The following SNAP25 variants were observed in gnomAD, a reference collection of about 807,000 sequenced individuals.
SNAP25 encodes the protein synaptosome associated protein 25.
Under a neutral mutation model 28.7 loss-of-function variants are expected in SNAP25, and 3 were observed. The observed-to-expected ratio is 0.10, with a 90% CI of 0.05 to 0.27. SNAP25 has a LOEUF of 0.27. SNAP25 is among the 10% of genes least tolerant of loss of function. SNAP25 has a pLI of 1.00. For missense variants in SNAP25, 117 were observed against 278.7 expected, an observed-to-expected ratio of 0.42 and a Z score of 4.13; for synonymous variants, 61 against 88.1, an observed-to-expected ratio of 0.69 and a Z score of 1.72.
intron 1 of SNAP25, among the ~76,000 whole-genome samples, chr20:10,267,091 CA>C (rs1335020942): frequency 2.6e-5 from 4 of 151,776 alleles, no homozygotes; most frequent in Middle Eastern, 3.2e-3. Flanking sequence ...TTAGAGATCA[CA>C]AAAAAACCTC....
At chr20:10,284,689 T>G in intron 3 of SNAP25, 35 bp from the exon 4 acceptor site, 13 of 1,558,692 alleles carry the variant, frequency 8.3e-6, no homozygotes, top group Non-Finnish European at 1.1e-5. Flanking sequence ...TCTCTCTAAC[T>G]CCTTTTCAAC....
chr20:10,269,377 G>A (rs1387920173), intron 1 of SNAP25, among the ~76,000 whole-genome samples: 1 of 152,088 alleles, frequency 6.6e-6, no homozygotes, highest in African/African-American at 2.4e-5. Flanking sequence ...ACTCCCACCT[G>A]GGCGACAGAG....
intron 1 of SNAP25, among the ~76,000 whole-genome samples, chr20:10,275,174 C>CT (rs1568608769): frequency 6.6e-6 from 1 of 152,070 alleles, no homozygotes. Flanking sequence ...ATTCCCAACC[C>CT]TTGGGTAGTT....
At chr20:10,300,782 T>G (rs555819585) in intron 7 of SNAP25, among the ~76,000 whole-genome samples, 1 of 152,296 alleles carries the variant, frequency 6.6e-6, no homozygotes, top group South Asian at 2.1e-4. Flanking sequence ...TGCTTACTTT[T>G]GCAAGTAATG....
intron 1 of SNAP25, among the ~76,000 whole-genome samples, chr20:10,228,354 C>A (rs1190427777): frequency 6.6e-6 from 1 of 152,100 alleles, no homozygotes; most frequent in Non-Finnish European, 1.5e-5. Context: ...CATGGTTTTC[C>A]CCACCACCCC....
chr20:10,288,734 C>T (rs188889962), intron 4 of SNAP25, among the ~76,000 whole-genome samples: 11 of 151,836 alleles, frequency 7.2e-5, no homozygotes, highest in Non-Finnish European at 1.0e-4. Context: ...ATGAGAAACA[C>T]GCAACTGTAA....
At chr20:10,228,662 C>G (rs914746225) in intron 1 of SNAP25, among the ~76,000 whole-genome samples, 9 of 152,116 alleles carry the variant, frequency 5.9e-5, no homozygotes, top group Non-Finnish European at 1.3e-4. Flanking sequence ...AAAAGGAGAG[C>G]AATTGCTGCC....
intron 1 of SNAP25, among the ~76,000 whole-genome samples, chr20:10,248,781 T>C (rs1034237193): frequency 3.3e-5 from 5 of 152,204 alleles, no homozygotes; most frequent in Non-Finnish European, 7.4e-5. Context: ...CAAACATTAG[T>C]GTGCACTAGA....
intron 1 of SNAP25, among the ~76,000 whole-genome samples, chr20:10,266,308 G>A (rs1205651466): frequency 6.6e-6 from 1 of 152,160 alleles, no homozygotes; most frequent in Non-Finnish European, 1.5e-5. Flanking sequence ...TCTTACGGTT[G>A]CATTCTCTTC....
intron 1 of SNAP25, among the ~76,000 whole-genome samples, chr20:10,248,841 AT>A (rs1337086331): frequency 6.6e-6 from 1 of 152,238 alleles, no homozygotes; most frequent in African/African-American, 2.4e-5. Flanking sequence ...ATTTCCAGAT[AT>A]TATGATTCAT....
intron 1 of SNAP25, among the ~76,000 whole-genome samples, chr20:10,271,347 A>T (rs2063587989): frequency 6.6e-6 from 1 of 152,220 alleles, no homozygotes; most frequent in Non-Finnish European, 1.5e-5. Flanking sequence ...CCAACAGAAG[A>T]TCTGGAGGTA....
At chr20:10,288,410 A>G (rs114629717) in intron 4 of SNAP25, among the ~76,000 whole-genome samples, 2,689 of 152,260 alleles carry the variant, frequency 0.018, 86 homozygotes, top group African/African-American at 0.062. Flanking sequence ...GAAAACATGA[A>G]TAACAGGCTT....
chr20:10,258,992 C>T (rs542113099), intron 1 of SNAP25, among the ~76,000 whole-genome samples: 147 of 152,188 alleles, frequency 9.7e-4, no homozygotes, highest in Non-Finnish European at 1.8e-3. Flanking sequence ...AATAATTTTC[C>T]GGAGAGTTTA....
intron 1 of SNAP25, among the ~76,000 whole-genome samples, chr20:10,227,402 C>T (rs2122639105): frequency 6.6e-6 from 1 of 152,184 alleles, no homozygotes; most frequent in African/African-American, 2.4e-5. Flanking sequence ...AATGGGGATA[C>T]CAGCTACCCC....
At position 10,293,884 on chromosome 20, in the gene SNAP25, A is replaced by G. The variant is rs2064050236; in HGVS notation, c.281+606A>G. 6.6e-6 allele frequency among the ~76,000 whole-genome samples: 1 copy of G among 151,250 alleles called. No individual in the cohort carries two copies. The highest frequency in any genetic ancestry group is 1.5e-5 in the Non-Finnish European group (1 of 67,794). On this transcript the variant is annotated intron_variant, in intron 5 of 7. Transcript: ENST00000254976. The surrounding 1 kb of genome is among the most constrained non-coding windows in gnomAD (Gnocchi z 5.6). ...ACTCAAATTGGACCCATCCCTCCCAAATTTTTCTCCTTGGAAGATCTACCC... is the reference window on the plus strand; with the variant it reads ...ACTCAAATTGGACCCATCCCTCCCAGATTTTTCTCCTTGGAAGATCTACCC...
chr20:10,301,740 A>G (rs931323969), intron 7 of SNAP25, among the ~76,000 whole-genome samples: 2 of 151,834 alleles, frequency 1.3e-5, no homozygotes, highest in Non-Finnish European at 2.9e-5. Flanking sequence ...GTCCTTAACA[A>G]TGAGATTTTC....
rs2143003 is a variant in SNAP25 at position 10,274,640 on chromosome 20, G to A, written c.-63-789G>A. ...AGGCGGATCACAAGGTCAGGAGATC[G>A]AGACCATCCTGGCCAACACAGTGAA... On this transcript the variant is annotated intron_variant, in intron 1 of 7. Coordinates refer to ENST00000254976, the MANE Select transcript of SNAP25 (RefSeq NM_130811.4). Among the ~76,000 whole-genome samples the A allele has an allele frequency of 6.7e-3, 1,027 of 152,184 alleles. 15 individuals carry two copies. The highest frequency in any genetic ancestry group is 0.023 in the African/African-American group (971 of 41,518).
chr20:10,268,973 T>C (rs1009801276), intron 1 of SNAP25, among the ~76,000 whole-genome samples: 1 of 146,532 alleles, frequency 6.8e-6, no homozygotes, highest in African/African-American at 2.6e-5. Flanking sequence ...AGAAATTGTT[T>C]TGAGGGCCAC....
At chr20:10,284,274 T>C (rs2076240) in intron 3 of SNAP25, among the ~76,000 whole-genome samples, 16,570 of 152,064 alleles carry the variant, frequency 0.11, 1,138 homozygotes, top group East Asian at 0.18. Flanking sequence ...CATCTTCCCA[T>C]GGGGCATCCC....
Sources: allele counts gnomAD v4.1 joint callset (sites outside exome capture counted in the v4.1 genomes callset), GRCh38; gene constraint gnomAD v4.1.1; non-coding constraint Gnocchi (gnomAD v3.1); transcripts MANE v1.5; gene names NCBI Gene and HGNC (gene_info 2026-07-23, HGNC 2026-07-21).